Variants in DSG2 observed in about 807,000 individuals in gnomAD.
The protein encoded by DSG2 is desmoglein 2.
DSG2 carries 45 observed loss-of-function variants against 75.6 expected under a neutral mutation model. That is an observed-to-expected ratio of 0.60 (90% CI 0.47 to 0.76). DSG2 has a LOEUF of 0.76. DSG2 is among the 30% of genes least tolerant of loss of function. DSG2 has a pLI of 0.00. For synonymous variants in DSG2, 429 were observed against 483.9 expected (o/e 0.89, Z 1.49); for missense variants, 1,267 against 1,357.4 (o/e 0.93, Z 1.05).
chr18:31,539,709 GGTCT>G (rs2073254717), intron 12 of DSG2, among the ~76,000 whole-genome samples: 1 of 152,206 alleles, frequency 6.6e-6, no homozygotes, highest in Non-Finnish European at 1.5e-5. Flanking sequence ...ACAGAGGAGA[GGTCT>G]GTTAGACAAG....
Position 31,546,677 on chromosome 18 carries a change from T to C in DSG2, c.3291T>C (p.Asn1097=), listed in dbSNP as rs757473850. 2.0e-5 allele frequency: 32 copies of C among 1,614,066 alleles called. No homozygotes were observed. The Admixed American group carries it at 5.3e-4, about 27-fold the overall frequency. Residue 1097 remains asparagine, a synonymous_variant, in exon 15 of 15, where the codon AAT becomes AAC. Coordinates refer to ENST00000261590, the MANE Select transcript of DSG2 (RefSeq NM_001943.5). ...GTTTAGAGGAATCTGGTCATTCTAA[T>C]TCTACCATAACCACATCTTCCACCA... The part of the protein sequence containing the change: ...DFGLEESGHS[N]STITTSSTRV...
intron 1 of DSG2, among the ~76,000 whole-genome samples, chr18:31,508,792 C>G (rs1272368959): frequency 6.6e-6 from 1 of 152,164 alleles, no homozygotes; most frequent in African/African-American, 2.4e-5. Context: ...TATCCAGGCT[C>G]TCCTCTTCTT....
intron 6 of DSG2, among the ~76,000 whole-genome samples, chr18:31,522,829 G>T (rs2073137096): frequency 6.6e-6 from 1 of 152,122 alleles, no homozygotes; most frequent in Non-Finnish European, 1.5e-5. Flanking sequence ...CCTAGTTAGA[G>T]AATAAAAGTA....
Position 31,534,933 on chromosome 18 carries a change from G to C in DSG2, c.1281-337G>C, listed in dbSNP as rs1438476323. Among the ~76,000 whole-genome samples, 3 of 152,220 alleles carry C rather than the reference G, an allele frequency of 2.0e-5. 1 individual carries two copies. The East Asian group carries it at 5.8e-4, about 29-fold the overall frequency. On this transcript the variant is annotated intron_variant, in intron 9 of 14. Transcript: ENST00000261590. ...TGTATAACTAAGTTATTCCCCAAAA[G>C]TTTAACCCAACTTTAAGGGACACTA...
At chr18:31,522,314 T>A (rs2073133718) in intron 6 of DSG2, 65 bp downstream of exon 6, 2 of 1,438,506 alleles carry the variant, frequency 1.4e-6, no homozygotes, top group Non-Finnish European at 1.9e-6. Context: ...TCCTCTCTTT[T>A]TCTTTTCTAA....
intron 5 of DSG2, among the ~76,000 whole-genome samples, chr18:31,521,618 TG>T (rs1420648277): frequency 6.6e-6 from 1 of 152,220 alleles, no homozygotes; most frequent in African/African-American, 2.4e-5. Flanking sequence ...TATAGTTTGC[TG>T]ACCTGTAAGT....
At chr18:31,507,711 G>A (rs937125381) in intron 1 of DSG2, among the ~76,000 whole-genome samples, 1 of 152,120 alleles carries the variant, frequency 6.6e-6, no homozygotes, top group African/African-American at 2.4e-5. Flanking sequence ...TTTGTTGGCT[G>A]CATAAATGTC....
intron 9 of DSG2, among the ~76,000 whole-genome samples, chr18:31,534,957 T>C (rs2073220272): frequency 6.6e-6 from 1 of 152,230 alleles, no homozygotes; most frequent in African/African-American, 2.4e-5. Context: ...TAAGGGACAC[T>C]AAATCAAATG....
chr18:31,524,545 T>A lies in DSG2; in HGVS notation c.788T>A (p.Leu263Ter), dbSNP rs1282200404. The change falls in exon 7 of 15, where the codon TTG becomes TAG. Residue 263 changes from leucine to a stop codon, truncating the protein, a stop_gained. Transcript: ENST00000261590. LOFTEE classifies it high-confidence loss of function. ...CAAGCTCAAGTTCAGATTCGTATTTTGGATGTCAATGACAATATACCTGTA... is the reference window on the plus strand; with the variant it reads ...CAAGCTCAAGTTCAGATTCGTATTTAGGATGTCAATGACAATATACCTGTA... ...VKQAQVQIRI[L>*]DVNDNIPVVE... 6.2e-7 allele frequency: 1 copy of A among 1,614,132 alleles called. No individual in the cohort carries two copies. The highest frequency in any genetic ancestry group is 8.5e-7 in the Non-Finnish European group (1 of 1,179,994).
Position 31,524,732 on chromosome 18 carries a change from C to T in DSG2, c.858C>T (p.Val286=), listed in dbSNP as rs1555671463. The change falls in exon 8 of 15, where the codon GTC becomes GTT. Residue 286 remains valine, a synonymous_variant. Transcript: ENST00000261590. The part of the protein sequence containing the change: ...VLEGMVEENQ[V]NVEVTRIKVF... ...AAGGGATGGTTGAAGAAAATCAAGT[C>T]AACGTAGAAGTTACGCGCATAAAAG... 1 of 1,614,074 alleles carries T rather than the reference C, an allele frequency of 6.2e-7. No homozygotes were observed. The highest frequency in any genetic ancestry group is 8.5e-7 in the Non-Finnish European group (1 of 1,180,018).
intron 1 of DSG2, among the ~76,000 whole-genome samples, chr18:31,512,928 G>C (rs956271606): frequency 6.6e-5 from 10 of 152,056 alleles, no homozygotes; most frequent in Admixed American, 2.0e-4. Context: ...GGAAATTGAG[G>C]GTATGAATTA....
At position 31,542,539 on chromosome 18, in the gene DSG2, C is replaced by T; in HGVS notation, c.2021C>T (p.Pro674Leu). The change falls in exon 14 of 15, where the codon CCA becomes CTA. Residue 674 changes from proline (P) to leucine (L), a missense_variant. Coordinates refer to ENST00000261590, the MANE Select transcript of DSG2 (RefSeq NM_001943.5). ...TCACAGGTGGTGCCATCATTTCTGC[C>T]AGTGGATCAAGGGGGCAGTCTAGTA... ...PEDKVVPSFL[P>L]VDQGGSLVGR... 1.2e-6 allele frequency: 2 copies of T among 1,614,028 alleles called. No individual in the cohort carries two copies. The highest frequency in any genetic ancestry group is 1.7e-6 in the Non-Finnish European group (2 of 1,180,026).
intron 14 of DSG2, 118 bp from the exon 15 acceptor site, chr18:31,545,603 T>C: frequency 1.6e-6 from 2 of 1,225,322 alleles, no homozygotes; most frequent in Middle Eastern, 2.6e-4. Flanking sequence ...GATGGTTCCT[T>C]GTAATTAAAT....
intron 2 of DSG2, among the ~76,000 whole-genome samples, chr18:31,518,600 A>G (rs759925182): frequency 1.3e-5 from 2 of 152,222 alleles, no homozygotes; most frequent in African/African-American, 2.4e-5. Context: ...GCATCTGTGT[A>G]TATATGTGCA....
intron 1 of DSG2, among the ~76,000 whole-genome samples, chr18:31,507,320 T>C (rs921788704): frequency 5.3e-5 from 8 of 152,204 alleles, no homozygotes; most frequent in Non-Finnish European, 1.0e-4. Context: ...CTTTATCCAG[T>C]CTATCATTGA....
At position 31,545,870 on chromosome 18, in the gene DSG2, T is replaced by C. The variant is rs201051252; in HGVS notation, c.2484T>C (p.Asp828=). The stretch of plus-strand genomic sequence containing the variant: ...AGCTAGATGACCGCTTCTTAGATGA[T>C]TTGGGACTTAAATTCAAGACACTAG... The part of the protein sequence containing the change: ...EGELDDRFLD[D]LGLKFKTLAE... Residue 828 remains aspartate (D), a synonymous_variant, in exon 15 of 15, where the codon GAT becomes GAC. Coordinates refer to ENST00000261590, the MANE Select transcript of DSG2 (RefSeq NM_001943.5). The C allele has an allele frequency of 3.6e-4, 577 of 1,614,108 alleles. 4 individuals carry two copies. The African/African-American group carries it at 6.8e-3, about 19-fold the overall frequency.
At position 31,546,271 on chromosome 18, in the gene DSG2, T is replaced by C. The variant is rs753686664; in HGVS notation, c.2885T>C (p.Ile962Thr). Reference protein sequence around the residue: ...ILGPSQPQSLIVTERVYAPAS... With the variant: ...ILGPSQPQSLTVTERVYAPAS... ...GGTCCTAGCCAGCCACAGAGCCTTA[T>C]TGTGACAGAGAGGGTGTATGCTCCA... is the stretch of plus-strand genomic sequence containing the variant. The change falls in exon 15 of 15, where the codon ATT becomes ACT. Residue 962 changes from isoleucine (I) to threonine (T), a missense_variant. Ile to Thr is a moderately conservative substitution (Grantham distance 89, BLOSUM62 -1). Transcript: ENST00000261590. The C allele has an allele frequency of 6.2e-7, 1 of 1,603,614 alleles. No homozygotes were observed. Among genetic ancestry groups the C allele is most frequent in the Non-Finnish European group, 8.5e-7 (1 of 1,174,186 alleles).
chr18:31,522,548 C>T (rs1198157348), intron 6 of DSG2: 13 of 227,504 alleles, frequency 5.7e-5, no homozygotes, highest in Non-Finnish European at 1.1e-4. Flanking sequence ...TTTTTGTGAT[C>T]ATTGCATGTT....
intron 1 of DSG2, among the ~76,000 whole-genome samples, chr18:31,515,515 A>T (rs924476583): frequency 6.6e-6 from 1 of 152,194 alleles, no homozygotes; most frequent in Non-Finnish European, 1.5e-5. Context: ...ACATGCAGAG[A>T]GAAGTGATCT....
Sources: gnomAD v4.1 joint callset for allele counts (sites outside exome capture counted in the v4.1 genomes callset) on GRCh38, gnomAD v4.1.1 for gene constraint, MANE v1.5 for transcripts, NCBI Gene and HGNC (gene_info 2026-07-23, HGNC 2026-07-21) for gene names.